WDR3: variants seen among roughly 807,000 people sequenced by gnomAD.
The protein encoded by WDR3 is WD repeat-containing protein 3.
Under a neutral mutation model 123.7 loss-of-function variants are expected in WDR3, and 81 were observed. The ratio of observed to expected loss-of-function variants is 0.65; its 90% CI spans 0.55 to 0.79. The LOEUF (loss-of-function observed/expected upper bound fraction) is 0.79. Ranked by LOEUF, WDR3 falls within the 30% of genes least tolerant of loss-of-function variation. WDR3 has a pLI of 0.00. For missense variants in WDR3, 1,027 were observed against 1,123.2 expected (o/e 0.91, Z 1.22); for synonymous variants, 390 against 388.8 (o/e 1.00, Z -0.04).
At position 117,942,502 on chromosome 1, in the gene WDR3, A is replaced by G; in HGVS notation, c.1055A>G (p.Glu352Gly). The change falls in exon 10 of 27, where the codon GAA becomes GGA. Residue 352 changes from glutamate to glycine, a missense_variant. Transcript: ENST00000349139. ...EVNVEMSLQD[E>G]IQRVTNIKTS... ...AATGTTGAAATGAGTCTGCAAGATG[A>G]AATCCAGCGGGTGACTAATATAAAA... 4 of 1,614,074 alleles carry G rather than the reference A, an allele frequency of 2.5e-6. No individual in the cohort carries two copies. The South Asian group carries it at 4.4e-5, about 18-fold the overall frequency.
chr1:117,933,176 C>A, intron 1 of WDR3, 112 bp from the exon 2 acceptor site: 3 of 881,938 alleles, frequency 3.4e-6, no homozygotes, highest in Non-Finnish European at 5.0e-6. Context: ...TGCACTCCAG[C>A]CTGGGCAACA....
At chr1:117,948,198 G>A (rs1651475096) in intron 12 of WDR3, among the ~76,000 whole-genome samples, 1 of 152,184 alleles carries the variant, frequency 6.6e-6, no homozygotes, top group Non-Finnish European at 1.5e-5. Context: ...TGGTAGCCCT[G>A]CCAAGGTTAA....
In WDR3 at chr1:117,964,691, G is replaced by A. The variant is rs947099842; in HGVS notation, c.*5244G>A. 1 of 152,092 alleles carries A rather than the reference G, an allele frequency of 6.6e-6. No individual in the cohort carries two copies. The highest frequency in any genetic ancestry group is 2.4e-5 in the African/African-American group (1 of 41,416). The allele number at this position is 152,092 out of a possible 1,614,324, so 9.4% of individuals were successfully genotyped here. On this transcript the variant is annotated 3_prime_UTR_variant, in exon 27 of 27. Transcript: ENST00000349139. ...TTATGGTTTACTTACTTTATGTATT[G>A]TCTGTCCTCCCACTGGAATGTAAGC...
Position 117,950,063 on chromosome 1 carries a change from A to G in WDR3, c.1679A>G (p.Asn560Ser), listed in dbSNP as rs887863842. 6.2e-6 allele frequency: 10 copies of G among 1,613,772 alleles called. No homozygotes were observed. Among genetic ancestry groups the G allele is most frequent in the African/African-American group, 4.0e-5 (3 of 74,868 alleles). Residue 560 changes from asparagine to serine, a missense_variant, in exon 15 of 27, where the codon AAT becomes AGT. Transcript: ENST00000349139. ...EDVLCVSYSP[N>S]QKLLAVSLLD... ...GTTCTGTGTGTCAGTTACTCTCCCA[A>G]TCAAAAGCTATTGGCTGTGTCTTTG...
chr1:117,951,493 A>G (rs1488597185), intron 16 of WDR3, among the ~76,000 whole-genome samples: 2 of 141,788 alleles, frequency 1.4e-5, no homozygotes, highest in East Asian at 4.2e-4. Flanking sequence ...TTAAGTTACA[A>G]TGTTAAATGT....
chr1:117,953,622 G>A, intron 21 of WDR3, 81 bp downstream of exon 21: 1 of 1,479,202 alleles, frequency 6.8e-7, no homozygotes, highest in Non-Finnish European at 9.2e-7. Flanking sequence ...GTATCAACCA[G>A]AAAGCCATTT....
chr1:117,966,527 A>G lies in WDR3; in HGVS notation c.*7080A>G, dbSNP rs1311738728. The G allele has an allele frequency of 1.6e-6, 2 of 1,219,066 alleles. No individual in the cohort carries two copies. Among genetic ancestry groups the G allele is most frequent in the Non-Finnish European group, 2.2e-6 (2 of 899,388 alleles). 75.5% of individuals were successfully genotyped at this position (1,219,066 alleles called of 1,614,324 possible). A position where few individuals can be genotyped will look rare whatever the true frequency, so the allele number is the denominator to read the frequency against. ...TGAAGATAGAATTAATAAAGTAGAG[A>G]TGCATTTTGACTTCCATGTTTTCCT... On this transcript the variant is annotated 3_prime_UTR_variant, in exon 27 of 27. Transcript: ENST00000349139.
At chr1:117,944,990 G>T (rs1331924615) in intron 11 of WDR3, among the ~76,000 whole-genome samples, 1 of 152,170 alleles carries the variant, frequency 6.6e-6, no homozygotes, top group African/African-American at 2.4e-5. Flanking sequence ...ACCGCACCCA[G>T]CCCATTGTTG....
chr1:117,939,024 CAAG>C (rs1651048827), intron 5 of WDR3, among the ~76,000 whole-genome samples: 1 of 152,134 alleles, frequency 6.6e-6, no homozygotes, highest in South Asian at 2.1e-4. Flanking sequence ...GAATTAATGA[CAAG>C]AAGATTAAAT....
chr1:117,938,811 A>C (rs1651036667), intron 5 of WDR3, among the ~76,000 whole-genome samples: 1 of 152,194 alleles, frequency 6.6e-6, no homozygotes, highest in African/African-American at 2.4e-5. Context: ...CTAAATAATA[A>C]GTGTCCACTT....
At chr1:117,933,771 A>G in intron 2 of WDR3, 1 of 399,950 alleles carries the variant, frequency 2.5e-6, no homozygotes, top group Non-Finnish European at 4.7e-6. Context: ...TTTATTCCTG[A>G]TGTATTTTTT....
At chr1:117,936,197 TGGAG>T (rs1650940407) in intron 3 of WDR3, among the ~76,000 whole-genome samples, 1 of 152,094 alleles carries the variant, frequency 6.6e-6, no homozygotes, top group Non-Finnish European at 1.5e-5. Flanking sequence ...TTACCCAACC[TGGAG>T]ATCATTTTGA....
intron 13 of WDR3, 57 bp downstream of exon 13, chr1:117,948,563 T>C: frequency 2.3e-6 from 3 of 1,317,400 alleles, no homozygotes; most frequent in Non-Finnish European, 3.1e-6. Flanking sequence ...CCCTGATTTC[T>C]CTCAGGGTTT....
chr1:117,948,489 T>C lies in WDR3; in HGVS notation c.1507T>C (p.Ser503Pro), dbSNP rs766730419. 6.2e-7 allele frequency: 1 copy of C among 1,613,672 alleles called. No homozygotes were observed. The highest frequency in any genetic ancestry group is 2.2e-5 in the East Asian group (1 of 44,858). Residue 503 changes from serine (S) to proline (P), a missense_variant, in exon 13 of 27, where the codon TCC becomes CCC. Ser to Pro is a moderately conservative substitution (Grantham distance 74). Coordinates refer to ENST00000349139, the MANE Select transcript of WDR3 (RefSeq NM_006784.3). ...ACATGATGGAGCTTTGTGGTCCATG[T>C]CCCTCTCTCCAGATCAGGTAACTAA... ...DAHDGALWSM[S>P]LSPDQRGFVT...
At position 117,943,581 on chromosome 1, in the gene WDR3, T is replaced by C. The variant is rs761554188; in HGVS notation, c.1283T>C (p.Ile428Thr). The change falls in exon 11 of 27, where the codon ATT becomes ACT. Residue 428 changes from isoleucine to threonine, a missense_variant. Coordinates refer to ENST00000349139, the MANE Select transcript of WDR3 (RefSeq NM_006784.3). ...ACTTTGTCATTCAGCTCAGACAATATTGCTGTTCTTTCAGCTGCAGCTGAT... is the reference window on the plus strand; with the variant it reads ...ACTTTGTCATTCAGCTCAGACAATACTGCTGTTCTTTCAGCTGCAGCTGAT... ...VRTLSFSSDNIAVLSAAADSI... is the reference protein window; with the variant it reads ...VRTLSFSSDNTAVLSAAADSI... The C allele has an allele frequency of 6.8e-6, 11 of 1,614,066 alleles. No homozygotes were observed. The highest frequency in any genetic ancestry group is 1.7e-5 in the Admixed American group (1 of 60,000).
chr1:117,951,910 G>C, intron 16 of WDR3, 66 bp from the exon 17 acceptor site: 1 of 1,421,830 alleles, frequency 7.0e-7, no homozygotes, highest in East Asian at 2.3e-5. Flanking sequence ...TAAATATTCT[G>C]GTTAGCTTTT....
In WDR3 at chr1:117,936,896, A is replaced by C. The variant is rs377319451; in HGVS notation, c.500+9A>C. ...AACCTGCTAGTTACTAGGTAAAGAA[A>C]TAATGGTTTAATTTCCAGTTATTTT... is the stretch of plus-strand genomic sequence containing the variant. On this transcript the variant is annotated intron_variant, in intron 4 of 26. Transcript: ENST00000349139. 1 of 1,600,026 alleles carries C rather than the reference A, an allele frequency of 6.2e-7. No individual in the cohort carries two copies.
chr1:117,941,857 C>G lies in WDR3; in HGVS notation c.989+10C>G. ...CTAGAAAGAAAGCAAAGTATGTTTT[C>G]TTAATACTTACATTAATAATGAAGT... On this transcript the variant is annotated intron_variant, in intron 9 of 26. Coordinates refer to ENST00000349139, the MANE Select transcript of WDR3 (RefSeq NM_006784.3). 6.3e-7 allele frequency: 1 copy of G among 1,598,850 alleles called. No homozygotes were observed. The highest frequency in any genetic ancestry group is 8.5e-7 in the Non-Finnish European group (1 of 1,175,318).
In WDR3 at chr1:117,963,680, T is replaced by A. The variant is rs1019509628; in HGVS notation, c.*4233T>A. On this transcript the variant is annotated 3_prime_UTR_variant, in exon 27 of 27. Transcript: ENST00000349139. Reference sequence around the variant, plus strand: ...GGCCCGGCCTAAACAAATATTTTCATTCATTCAGGCCAGGTGGCTTATAGG... The same window carrying A: ...GGCCCGGCCTAAACAAATATTTTCAATCATTCAGGCCAGGTGGCTTATAGG... 1 of 942,746 alleles carries A rather than the reference T, an allele frequency of 1.1e-6. No individual in the cohort carries two copies. Among genetic ancestry groups the A allele is most frequent in the Non-Finnish European group, 1.5e-6 (1 of 650,426 alleles). The allele number at this position is 942,746 out of a possible 1,614,324, so 58.4% of individuals were successfully genotyped here.
Sources: allele counts gnomAD v4.1 joint callset (sites outside exome capture counted in the v4.1 genomes callset), GRCh38; gene constraint gnomAD v4.1.1; transcripts MANE v1.5; gene names NCBI Gene and HGNC (gene_info 2026-07-23, HGNC 2026-07-21).